The following SRFBP1 variants were observed in gnomAD, a reference collection of about 807,000 sequenced individuals.
SRFBP1 encodes serum response factor-binding protein 1.
SRFBP1 carries 47 observed loss-of-function variants against 45.5 expected under a neutral mutation model. The observed-to-expected ratio is 1.03, with a 90% CI of 0.82 to 1.32. The LOEUF is 1.32. Among genes scored for constraint, SRFBP1 ranks in the 40% most tolerant of loss-of-function variants. The pLI, the probability that SRFBP1 is intolerant of heterozygous loss-of-function variation, is 0.00. For missense variants in SRFBP1, 621 were observed against 484.6 expected, an observed-to-expected ratio of 1.28 and a Z score of -2.64; for synonymous variants, 203 against 166.3, an observed-to-expected ratio of 1.22 and a Z score of -1.70.
At chr5:122,035,571 G>C (rs1190058525) in intron 2 of SRFBP1, among the ~76,000 whole-genome samples, 2 of 152,038 alleles carry the variant, frequency 1.3e-5, no homozygotes, top group Non-Finnish European at 2.9e-5. Context: ...ACATCTCTTT[G>C]TTGGATTCAA....
intron 4 of SRFBP1, among the ~76,000 whole-genome samples, chr5:122,012,243 A>G (rs1753112371): frequency 6.6e-6 from 1 of 152,106 alleles, no homozygotes; most frequent in Non-Finnish European, 1.5e-5. Flanking sequence ...TTTTCTAAGA[A>G]TAAAATTCTT....
intron 3 of SRFBP1, among the ~76,000 whole-genome samples, chr5:121,988,690 A>C (rs541338039): frequency 6.6e-6 from 1 of 152,356 alleles, no homozygotes; most frequent in Non-Finnish European, 1.5e-5. Flanking sequence ...AAAACACATT[A>C]ACCGTAAATC....
intron 4 of SRFBP1, among the ~76,000 whole-genome samples, chr5:122,002,012 T>C (rs1194659905): frequency 6.6e-6 from 1 of 152,236 alleles, no homozygotes; most frequent in Non-Finnish European, 1.5e-5. Context: ...CTCATTCTTA[T>C]ATTACATATT....
chr5:122,035,374 T>C (rs577883501), intron 2 of SRFBP1, among the ~76,000 whole-genome samples: 1 of 152,188 alleles, frequency 6.6e-6, no homozygotes, highest in Non-Finnish European at 1.5e-5. Flanking sequence ...CAGGGCTTCA[T>C]AGTCTCAAGT....
At chr5:122,076,109 T>C (rs1196443887), downstream of SRFBP1, 3 of 152,236 alleles carry the variant, frequency 2.0e-5, no homozygotes, top group African/African-American at 7.2e-5. Context: ...GTGTGAGTGA[T>C]GCAAGACTCA....
chr5:121,962,588 A>G (rs1002494136), intron 1 of SRFBP1, among the ~76,000 whole-genome samples: 1 of 152,234 alleles, frequency 6.6e-6, no homozygotes, highest in Non-Finnish European at 1.5e-5. Flanking sequence ...TTCCGTTTAC[A>G]GCAGAACTTC....
chr5:122,039,130 G>T (rs10069116), intron 2 of SRFBP1, among the ~76,000 whole-genome samples: 38,364 of 152,040 alleles, frequency 0.25, 6,017 homozygotes, highest in African/African-American at 0.45. Flanking sequence ...ATAACAGAAC[G>T]GTGTGTCCTC....
rs561985849 is a variant in SRFBP1, at chr5:121,993,899, C to A, written c.199-700C>A. On this transcript the variant is annotated intron_variant, in intron 3 of 7. Transcript: ENST00000339397. ...TTTTATTGATTAGTTGATTTTCTTT[C>A]ATTTCTACTTTTTCATTGTGACCGG... Among the ~76,000 whole-genome samples the A allele has an allele frequency of 3.3e-5, 5 of 151,708 alleles. No homozygotes were observed. In the East Asian group the frequency reaches 9.7e-4, roughly 29 times the overall value.
At chr5:122,051,360 AG>A (rs1753970796) in intron 2 of SRFBP1, among the ~76,000 whole-genome samples, 1 of 151,792 alleles carries the variant, frequency 6.6e-6, no homozygotes, top group Non-Finnish European at 1.5e-5. Context: ...GGAGTGTTGA[AG>A]TCTCCCACTA....
At chr5:122,034,450 C>A (rs1182286900) in intron 2 of SRFBP1, among the ~76,000 whole-genome samples, 1 of 151,738 alleles carries the variant, frequency 6.6e-6, no homozygotes, top group Non-Finnish European at 1.5e-5. Context: ...TAGCGCCCCC[C>A]CCATTTTTTA....
intron 3 of SRFBP1, among the ~76,000 whole-genome samples, chr5:121,984,396 A>G (rs915557126): frequency 1.3e-5 from 2 of 151,742 alleles, no homozygotes; most frequent in African/African-American, 4.8e-5. Flanking sequence ...TTATTAACAC[A>G]TCTTTCCTTT....
intron 3 of SRFBP1, among the ~76,000 whole-genome samples, chr5:121,989,145 C>T (rs965553322): frequency 6.6e-6 from 1 of 152,080 alleles, no homozygotes; most frequent in African/African-American, 2.4e-5. Flanking sequence ...CTCACTGCAA[C>T]CTCCACCTCC....
intron 1 of SRFBP1, among the ~76,000 whole-genome samples, chr5:121,967,830 C>G (rs1007084743): frequency 1.3e-5 from 2 of 152,186 alleles, no homozygotes; most frequent in Non-Finnish European, 2.9e-5. Context: ...TAGAGCCAGA[C>G]CTTGTTTCGA....
intron 4 of SRFBP1, among the ~76,000 whole-genome samples, chr5:121,999,568 C>T (rs546082125): frequency 1.3e-5 from 2 of 151,882 alleles, no homozygotes; most frequent in African/African-American, 4.8e-5. Context: ...TGTCAGTTTG[C>T]CTATTTGATC....
chr5:122,066,101 T>C (rs563621048), intron 2 of SRFBP1: 2 of 152,260 alleles, frequency 1.3e-5, no homozygotes, highest in Admixed American at 6.5e-5. Context: ...AATGAAATTG[T>C]GCACTTGAAA....
chr5:122,070,653 G>A lies in SRFBP1; in HGVS notation n.312-4662G>A, dbSNP rs1754424358. ...GTGGTCAGACTATGATAAATAATATGCTATTATTTGCAAATTAAATTTTAA... is the reference window on the plus strand; with the variant it reads ...GTGGTCAGACTATGATAAATAATATACTATTATTTGCAAATTAAATTTTAA... On this transcript the variant is annotated intron_variant and non_coding_transcript_variant, in intron 2 of 2. Coordinates refer to the SRFBP1 transcript ENST00000504881. The A allele has an allele frequency of 7.6e-6, 6 of 784,904 alleles. No homozygotes were observed. The Admixed American group carries it at 1.4e-4, about 19-fold the overall frequency. 48.6% of individuals were successfully genotyped at this position (784,904 alleles called of 1,614,324 possible).
intron 2 of SRFBP1, among the ~76,000 whole-genome samples, chr5:122,052,488 C>T (rs1402606235): frequency 6.6e-6 from 1 of 152,106 alleles, no homozygotes; most frequent in African/African-American, 2.4e-5. Flanking sequence ...TGAATTATTT[C>T]AGAGTGCCAG....
At position 122,027,086 on chromosome 5, in the gene SRFBP1, T is replaced by C. The variant is rs1250926388; in HGVS notation, c.1250T>C (p.Ile417Thr). The change falls in exon 8 of 8, where the codon ATT becomes ACT. Residue 417 changes from isoleucine to threonine, a missense_variant. Physicochemically the swap from Ile to Thr is moderately conservative, Grantham distance 89 (BLOSUM62 -1). Transcript: ENST00000339397. ...AGGCGAAAAGAACAGCAATCTAATA[T>C]TGCTGTGTTTCAGGGGAAAAAAATT... ...SRRRKEQQSNIAVFQGKKITF... is the reference protein window; with the variant it reads ...SRRRKEQQSNTAVFQGKKITF... 4.3e-6 allele frequency: 7 copies of C among 1,611,788 alleles called. No individual in the cohort carries two copies. The highest frequency in any genetic ancestry group is 2.2e-5 in the East Asian group (1 of 44,760).
At chr5:122,062,624 A>T (rs1394276761) in intron 2 of SRFBP1, among the ~76,000 whole-genome samples, 2 of 151,974 alleles carry the variant, frequency 1.3e-5, no homozygotes, top group Non-Finnish European at 2.9e-5. Flanking sequence ...ATATTCTACA[A>T]CTCAAATCTG....
Sources: allele counts gnomAD v4.1 joint callset (sites outside exome capture counted in the v4.1 genomes callset), GRCh38; gene constraint gnomAD v4.1.1; transcripts MANE v1.5; gene names NCBI Gene and HGNC (gene_info 2026-07-23, HGNC 2026-07-21).